Variants in ANGPTL2 observed in about 807,000 individuals in gnomAD.
The protein encoded by ANGPTL2 is angiopoietin-related protein 2.
In ANGPTL2, 25 loss-of-function variants were observed where a neutral mutation model predicts 52.8. The ratio of observed to expected loss-of-function variants is 0.47; its 90% CI spans 0.35 to 0.66. The LOEUF is 0.66. Ranked by LOEUF, ANGPTL2 falls within the 30% of genes least tolerant of loss-of-function variation. ANGPTL2 has a pLI of 0.01. For synonymous variants in ANGPTL2, 276 were observed against 277.4 expected (o/e 1.00, Z 0.05); for missense variants, 546 against 656.9 (o/e 0.83, Z 1.84).
intron 3 of ANGPTL2, among the ~76,000 whole-genome samples, chr9:127,092,712 G>C (rs2052628850): frequency 6.6e-6 from 1 of 152,096 alleles, no homozygotes; most frequent in African/African-American, 2.4e-5. Flanking sequence ...GGGTGAACCA[G>C]GATTTGAACC....
intron 1 of ANGPTL2, among the ~76,000 whole-genome samples, chr9:127,113,002 G>A (rs2055003693): frequency 6.6e-6 from 1 of 152,202 alleles, no homozygotes; most frequent in East Asian, 1.9e-4. Flanking sequence ...AGGTCATGTT[G>A]CGAGCAGTGG....
In ANGPTL2 at chr9:127,108,164, C is replaced by A. The variant is rs946663816; in HGVS notation, c.568G>T (p.Ala190Ser). 1.2e-6 allele frequency: 2 copies of A among 1,614,064 alleles called. No homozygotes were observed. Among genetic ancestry groups the A allele is most frequent in the African/African-American group, 1.3e-5 (1 of 75,012 alleles). Residue 190 changes from alanine (A) to serine (S), a missense_variant, in exon 2 of 5, where the codon GCC becomes TCC. Coordinates refer to ENST00000373425, the MANE Select transcript of ANGPTL2 (RefSeq NM_012098.3). ...GCGATGATCTCTGATTGGTTGTGGG[C>A]CAGTGTGGCCAGGTGCTGGTACTTG... ...EHKYQHLATL[A>S]HNQSEIIAQL...
intron 2 of ANGPTL2, among the ~76,000 whole-genome samples, chr9:127,098,556 C>T (rs1002705346): frequency 1.3e-5 from 2 of 152,160 alleles, no homozygotes; most frequent in African/African-American, 4.8e-5. Context: ...GTCAGGAGGC[C>T]TCCAGAGGAG....
At chr9:127,103,644 G>C (rs1000123215) in intron 2 of ANGPTL2, among the ~76,000 whole-genome samples, 2 of 152,180 alleles carry the variant, frequency 1.3e-5, no homozygotes, top group African/African-American at 4.8e-5. Context: ...GCCTAGGGAG[G>C]GGGAGCATGA....
Position 127,088,854 on chromosome 9 carries a change from TGAG to T in ANGPTL2, c.*82_*84del. 2 of 1,487,902 alleles carry T rather than the reference TGAG, an allele frequency of 1.3e-6. No homozygotes were observed. Among genetic ancestry groups the T allele is most frequent in the South Asian group, 2.3e-5 (2 of 86,066 alleles). The allele number at this position is 1,487,902 out of a possible 1,614,324, so 92.2% of individuals were successfully genotyped here. The stretch of plus-strand genomic sequence containing the variant: ...TCCTCCCAGCCTCAGGATGAACTGG[TGAG>T]GAGTTGTTCTTTGTGCTGTGGCCAG... On this transcript the variant is annotated 3_prime_UTR_variant, in exon 5 of 5. Transcript: ENST00000373425.
chr9:127,120,055 A>G (rs1013594750), intron 1 of ANGPTL2, among the ~76,000 whole-genome samples: 1 of 152,204 alleles, frequency 6.6e-6, no homozygotes, highest in Non-Finnish European at 1.5e-5. Context: ...GCTAAGATGT[A>G]TCAGTGTTGT....
At chr9:127,102,267 T>C (rs539732880) in intron 2 of ANGPTL2, among the ~76,000 whole-genome samples, 2 of 150,664 alleles carry the variant, frequency 1.3e-5, no homozygotes, top group South Asian at 2.1e-4. Flanking sequence ...CTCACAGTTA[T>C]GGAGGCTGAG....
rs1006566498 is a variant in ANGPTL2 at position 127,087,585 on chromosome 9, C to T, written c.*1354G>A. The stretch of plus-strand genomic sequence containing the variant: ...TCACCTTCTTGACTCATCCCTTGCC[C>T]CTTCTTGGCAATAGTCCCGGGAGTG... On this transcript the variant is annotated 3_prime_UTR_variant, in exon 5 of 5. Transcript: ENST00000373425. 6.6e-6 allele frequency: 1 copy of T among 152,560 alleles called. No homozygotes were observed. Among genetic ancestry groups the T allele is most frequent in the African/African-American group, 2.4e-5 (1 of 41,428 alleles). The allele number at this position is 152,560 out of a possible 1,614,324, so 9.5% of individuals were successfully genotyped here. A position where few individuals can be genotyped will look rare whatever the true frequency, so the allele number is the denominator to read the frequency against.
intron 1 of ANGPTL2, among the ~76,000 whole-genome samples, 188 bp from the exon 2 acceptor site, chr9:127,108,968 C>G (rs1424069668): frequency 1.3e-5 from 2 of 152,150 alleles, no homozygotes; most frequent in East Asian, 3.9e-4. Context: ...GACAGGCAAG[C>G]CCCAGCAGAG....
intron 3 of ANGPTL2, among the ~76,000 whole-genome samples, chr9:127,093,233 G>A (rs1328961528): frequency 6.6e-6 from 1 of 152,096 alleles, no homozygotes; most frequent in Non-Finnish European, 1.5e-5. Context: ...TCAACTCCCT[G>A]GGAACCAGGG....
In ANGPTL2 at chr9:127,117,596, A is replaced by C. The variant is rs1589581406; in HGVS notation, c.-50+4719T>G. On this transcript the variant is annotated intron_variant, in intron 1 of 4. Transcript: ENST00000373425. Reference sequence around the variant, plus strand: ...AACTTGGGGGGCTGTGGGGCACCTGACCTAGCCTCAGAAAAGCCCTTGGCT... The same window carrying C: ...AACTTGGGGGGCTGTGGGGCACCTGCCCTAGCCTCAGAAAAGCCCTTGGCT... Among the ~76,000 whole-genome samples the C allele has an allele frequency of 2.0e-5, 3 of 152,344 alleles. No homozygotes were observed. In the South Asian group the frequency reaches 6.2e-4, roughly 32 times the overall value.
intron 1 of ANGPTL2, among the ~76,000 whole-genome samples, chr9:127,112,394 C>T (rs2054920158): frequency 1.3e-5 from 2 of 152,248 alleles, no homozygotes; most frequent in Non-Finnish European, 2.9e-5. Flanking sequence ...TCAGGCTGCT[C>T]ACCTGAGGCA....
chr9:127,114,667 G>A (rs1008912830), intron 1 of ANGPTL2, among the ~76,000 whole-genome samples: 1 of 152,256 alleles, frequency 6.6e-6, no homozygotes, highest in Non-Finnish European at 1.5e-5. Context: ...CCATTGGTCT[G>A]TGATCACAGA....
At chr9:127,110,469 T>C (rs2054690102) in intron 1 of ANGPTL2, among the ~76,000 whole-genome samples, 3 of 152,218 alleles carry the variant, frequency 2.0e-5, no homozygotes, top group Non-Finnish European at 2.9e-5. Context: ...TTTACCTTAG[T>C]CATCTCATCC....
chr9:127,106,171 A>C (rs531545875), intron 2 of ANGPTL2, among the ~76,000 whole-genome samples: 1 of 152,322 alleles, frequency 6.6e-6, no homozygotes, highest in East Asian at 1.9e-4. Context: ...AGGCCAGAGG[A>C]GATCTGTTGA....
At chr9:127,117,722 A>G (rs1414061839) in intron 1 of ANGPTL2, among the ~76,000 whole-genome samples, 1 of 152,228 alleles carries the variant, frequency 6.6e-6, no homozygotes. Flanking sequence ...TTCATTCCAC[A>G]GATATCTTTT....
chr9:127,117,276 G>A (rs2137510064), intron 1 of ANGPTL2, among the ~76,000 whole-genome samples: 1 of 152,284 alleles, frequency 6.6e-6, no homozygotes, highest in Admixed American at 6.5e-5. Flanking sequence ...TCAGATTGCA[G>A]TCATCTGGTT....
intron 1 of ANGPTL2, among the ~76,000 whole-genome samples, chr9:127,116,057 TATCC>T: frequency 6.6e-6 from 1 of 152,304 alleles, no homozygotes; most frequent in African/African-American, 2.4e-5. Flanking sequence ...ATGAACCATT[TATCC>T]ATCCATCCAG....
chr9:127,094,039 G>T, intron 2 of ANGPTL2, 113 bp from the exon 3 acceptor site: 1 of 1,240,776 alleles, frequency 8.1e-7, no homozygotes, highest in Non-Finnish European at 1.1e-6. Context: ...GGAGCCACAG[G>T]CCCACGGTCT....
Sources: gnomAD v4.1 joint callset for allele counts (sites outside exome capture counted in the v4.1 genomes callset) on GRCh38, gnomAD v4.1.1 for gene constraint, MANE v1.5 for transcripts, NCBI Gene and HGNC (gene_info 2026-07-23, HGNC 2026-07-21) for gene names.